Variants in DGKB observed in about 807,000 individuals in gnomAD.
DGKB encodes the protein diacylglycerol kinase beta.
DGKB carries 67 observed loss-of-function variants against 114.3 expected under a neutral mutation model. That is an observed-to-expected ratio of 0.59 (90% CI 0.48 to 0.72). The LOEUF is 0.72. DGKB is among the 30% of genes least tolerant of loss of function. The probability of loss-of-function intolerance (pLI) is 0.00; values close to 1 mark genes in which losing one functional copy is unlikely to be tolerated. For synonymous variants in DGKB, 398 were observed against 323.1 expected (o/e 1.23, Z -2.49); for missense variants, 907 against 975.2 (o/e 0.93, Z 0.93).
In DGKB at chr7:14,567,332, ATATT is replaced by A. The variant is rs1177242806; in HGVS notation, c.1770+6876_1770+6879del. ...TATATAATTATATTATATATATTAT[ATATT>A]TATATATTATATATATAATTATATT... On this transcript the variant is annotated intron_variant, in intron 20 of 25. Coordinates refer to ENST00000402815, the MANE Select transcript of DGKB (RefSeq NM_001350709.2). 7.0e-4 allele frequency among the ~76,000 whole-genome samples: 22 copies of A among 31,612 alleles called. 4 individuals are homozygous for A. The highest frequency in any genetic ancestry group is 2.8e-3 in the African/African-American group (22 of 7,736). 20.7% of individuals were successfully genotyped at this position (31,612 alleles called of 152,430 possible). A position where few individuals can be genotyped will look rare whatever the true frequency, so the allele number is the denominator to read the frequency against.
At chr7:14,313,758 C>T (rs1047250065) in intron 23 of DGKB, among the ~76,000 whole-genome samples, 12 of 152,282 alleles carry the variant, frequency 7.9e-5, no homozygotes, top group Admixed American at 5.2e-4. Context: ...AGCCTGGAAG[C>T]TCCAACTGGG....
chr7:14,322,250 T>C (rs1807959234), intron 23 of DGKB, among the ~76,000 whole-genome samples: 2 of 152,124 alleles, frequency 1.3e-5, no homozygotes, highest in Non-Finnish European at 2.9e-5. Context: ...AGAGAGTATA[T>C]GACCCAAAGC....
chr7:14,546,521 T>C (rs537840958), intron 20 of DGKB, among the ~76,000 whole-genome samples: 7 of 152,198 alleles, frequency 4.6e-5, no homozygotes, highest in Non-Finnish European at 8.8e-5. Context: ...CTCCTCACAA[T>C]TTAATGCTCA....
intron 20 of DGKB, among the ~76,000 whole-genome samples, chr7:14,537,574 G>A (rs536484858): frequency 6.6e-6 from 1 of 152,066 alleles, no homozygotes; most frequent in African/African-American, 2.4e-5. Context: ...TGTAAAATTA[G>A]ATATCCCCCT....
intron 21 of DGKB, among the ~76,000 whole-genome samples, chr7:14,381,184 C>T (rs890416276): frequency 6.6e-6 from 1 of 152,110 alleles, no homozygotes; most frequent in Non-Finnish European, 1.5e-5. Flanking sequence ...TGTTGTCATG[C>T]CAAGGTAATC....
chr7:14,539,165 A>T (rs916236487), intron 20 of DGKB, among the ~76,000 whole-genome samples: 1 of 152,176 alleles, frequency 6.6e-6, no homozygotes, highest in Non-Finnish European at 1.5e-5. Flanking sequence ...AAACAAAAAC[A>T]AAACAAAGGG....
chr7:14,447,909 T>G (rs939895357), intron 21 of DGKB, among the ~76,000 whole-genome samples: 2 of 152,108 alleles, frequency 1.3e-5, no homozygotes, highest in Admixed American at 1.3e-4. Flanking sequence ...AGACGGTGCT[T>G]GGTCAAAATA....
chr7:14,721,929 A>C lies in DGKB; in HGVS notation c.323-3244T>G, dbSNP rs527967985. On this transcript the variant is annotated intron_variant, in intron 5 of 25. Coordinates refer to ENST00000402815, the MANE Select transcript of DGKB (RefSeq NM_001350709.2). ...CTGTACAGAGATTGAACACTGCTTTATATCTTTCCTTCATTTTCTTCACTC... is the reference window on the plus strand; with the variant it reads ...CTGTACAGAGATTGAACACTGCTTTCTATCTTTCCTTCATTTTCTTCACTC... Among the ~76,000 whole-genome samples the C allele has an allele frequency of 2.0e-5, 3 of 152,278 alleles. No homozygotes were observed. In the South Asian group the frequency reaches 6.2e-4, roughly 32 times the overall value.
chr7:14,352,513 G>A (rs1011029045), intron 21 of DGKB, among the ~76,000 whole-genome samples: 4 of 151,858 alleles, frequency 2.6e-5, no homozygotes, highest in African/African-American at 9.7e-5. Context: ...ATACAAAAAC[G>A]TACACAAAGT....
At chr7:14,230,970 T>G (rs991871705) in intron 23 of DGKB, among the ~76,000 whole-genome samples, 2 of 152,080 alleles carry the variant, frequency 1.3e-5, no homozygotes, top group African/African-American at 4.8e-5. Context: ...GTGTCTTGAC[T>G]ACTATTATGC....
intron 19 of DGKB, 45 bp downstream of exon 19, chr7:14,580,817 G>A (rs1300632928): frequency 2.3e-6 from 3 of 1,313,690 alleles, no homozygotes; most frequent in Non-Finnish European, 2.1e-6. Context: ...CAAGGGAAAG[G>A]GGTGTTGTGT....
chr7:14,572,996 T>C (rs1176333329), intron 20 of DGKB, among the ~76,000 whole-genome samples: 1 of 152,072 alleles, frequency 6.6e-6, no homozygotes, highest in Non-Finnish European at 1.5e-5. Flanking sequence ...AGAGCCAAGA[T>C]TGAATAAAAA....
At chr7:14,829,692 T>G (rs1220238168) in intron 2 of DGKB, among the ~76,000 whole-genome samples, 1 of 152,130 alleles carries the variant, frequency 6.6e-6, no homozygotes, top group Non-Finnish European at 1.5e-5. Flanking sequence ...TGTTTGATCA[T>G]ACTGTAGATA....
At chr7:14,688,163 G>A (rs1352561087) in intron 9 of DGKB, among the ~76,000 whole-genome samples, 1 of 151,338 alleles carries the variant, frequency 6.6e-6, no homozygotes, top group Non-Finnish European at 1.5e-5. Flanking sequence ...GGGAGGGAAA[G>A]AATCTGTCCC....
chr7:14,929,168 C>A (rs1784884343), intron 1 of DGKB, among the ~76,000 whole-genome samples: 1 of 151,896 alleles, frequency 6.6e-6, no homozygotes. Flanking sequence ...TAGCTTTGCT[C>A]TTGTGAATAA....
chr7:14,238,603 C>T (rs769985045), intron 23 of DGKB, among the ~76,000 whole-genome samples: 2 of 151,316 alleles, frequency 1.3e-5, no homozygotes, highest in East Asian at 1.9e-4. Flanking sequence ...CAGCAATGAT[C>T]GTAGCAAATC....
chr7:14,530,588 C>A (rs544664100), intron 20 of DGKB, among the ~76,000 whole-genome samples: 2 of 151,406 alleles, frequency 1.3e-5, no homozygotes, highest in African/African-American at 4.8e-5. Context: ...ATTGAGTTTA[C>A]CATACGATAT....
At chr7:14,966,331 T>C (rs1562909918) in intron 1 of DGKB, among the ~76,000 whole-genome samples, 1 of 152,124 alleles carries the variant, frequency 6.6e-6, no homozygotes, top group Non-Finnish European at 1.5e-5. Flanking sequence ...AAATAATTTT[T>C]AATGATTCAA....
At chr7:14,628,043 C>G (rs1808961737) in intron 14 of DGKB, among the ~76,000 whole-genome samples, 1 of 152,114 alleles carries the variant, frequency 6.6e-6, no homozygotes, top group Non-Finnish European at 1.5e-5. Context: ...TGACTGTCAT[C>G]CACAGTAAAC....
Sources: gnomAD v4.1 joint callset for allele counts (sites outside exome capture counted in the v4.1 genomes callset) on GRCh38, gnomAD v4.1.1 for gene constraint, MANE v1.5 for transcripts, NCBI Gene and HGNC (gene_info 2026-07-23, HGNC 2026-07-21) for gene names.